Variants in NCAM2 observed in about 807,000 individuals in gnomAD.
The protein encoded by NCAM2 is N-CAM-2.
A neutral mutation model predicts 98.1 loss-of-function variants in NCAM2; 30 were observed. That is an observed-to-expected ratio of 0.31 (90% CI 0.23 to 0.41). The LOEUF (loss-of-function observed/expected upper bound fraction) is 0.41, where lower values mean the gene tolerates loss of function less well. Ranked by LOEUF, NCAM2 falls within the 10% of genes least tolerant of loss-of-function variation. The probability of loss-of-function intolerance (pLI) is 1.00; values close to 1 mark genes in which losing one functional copy is unlikely to be tolerated. For synonymous variants in NCAM2, 368 were observed against 342.4 expected (o/e 1.07, Z -0.83); for missense variants, 867 against 1,005.8 (o/e 0.86, Z 1.87).
intron 8 of NCAM2, among the ~76,000 whole-genome samples, chr21:21,364,772 T>A (rs2075744483): frequency 6.6e-6 from 1 of 152,088 alleles, no homozygotes; most frequent in African/African-American, 2.4e-5. Context: ...ATAAGAAATC[T>A]CATATTGGTG....
chr21:21,312,326 A>G (rs2074080929), intron 5 of NCAM2, among the ~76,000 whole-genome samples: 1 of 151,374 alleles, frequency 6.6e-6, no homozygotes, highest in Non-Finnish European at 1.5e-5. Context: ...TATGCTTAAT[A>G]TAGTTAATAT....
At chr21:21,369,125 C>T (rs900762032) in intron 8 of NCAM2, among the ~76,000 whole-genome samples, 1 of 176 alleles carries the variant, frequency 5.7e-3, no homozygotes, top group Non-Finnish European at 0.012. Context: ...CACCACCTCC[C>T]ATTCCCCTTG....
At chr21:21,334,526 C>G (rs955028169) in intron 6 of NCAM2, among the ~76,000 whole-genome samples, 1 of 151,802 alleles carries the variant, frequency 6.6e-6, no homozygotes, top group Non-Finnish European at 1.5e-5. Flanking sequence ...TATGGACAAG[C>G]AAATGTCTCC....
intron 1 of NCAM2, among the ~76,000 whole-genome samples, chr21:21,048,406 A>G (rs759648017): frequency 1.4e-4 from 22 of 151,830 alleles, no homozygotes; most frequent in Non-Finnish European, 2.9e-4. Flanking sequence ...AGACTGGAGT[A>G]CAGTGGCGCA....
intron 1 of NCAM2, among the ~76,000 whole-genome samples, chr21:21,139,839 T>C (rs2067131000): frequency 6.6e-6 from 1 of 152,178 alleles, no homozygotes; most frequent in Non-Finnish European, 1.5e-5. Flanking sequence ...TTAAACTCAA[T>C]TCCTTAATTA....
chr21:21,447,784 T>A (rs1980411599), intron 12 of NCAM2, among the ~76,000 whole-genome samples: 1 of 152,002 alleles, frequency 6.6e-6, no homozygotes, highest in Non-Finnish European at 1.5e-5. Context: ...ACAACCAACT[T>A]ACGAATAAAA....
chr21:21,311,919 T>G (rs1418634787), intron 5 of NCAM2, among the ~76,000 whole-genome samples: 1 of 152,188 alleles, frequency 6.6e-6, no homozygotes, highest in Non-Finnish European at 1.5e-5. Context: ...TCCTTGAGTT[T>G]ATATTGTATA....
intron 5 of NCAM2, 48 bp from the exon 6 acceptor site, chr21:21,324,335 G>C (rs964707201): frequency 1.1e-5 from 15 of 1,356,572 alleles, no homozygotes; most frequent in Non-Finnish European, 7.2e-6. Flanking sequence ...AATGATGGTA[G>C]TGAAGGTGTT....
intron 1 of NCAM2, among the ~76,000 whole-genome samples, chr21:21,123,870 C>T (rs1311675092): frequency 9.2e-4 from 1 of 1,084 alleles, no homozygotes; most frequent in African/African-American, 1.6e-3. Context: ...TTTTTTGAGA[C>T]GGAGTCTCAC....
intron 1 of NCAM2, among the ~76,000 whole-genome samples, chr21:21,049,734 G>A (rs2065069065): frequency 6.6e-6 from 1 of 151,998 alleles, no homozygotes; most frequent in African/African-American, 2.4e-5. Flanking sequence ...AGCCAGTCAT[G>A]GTGATGCATG....
At chr21:21,210,206 G>C (rs2069596002) in intron 1 of NCAM2, among the ~76,000 whole-genome samples, 1 of 152,078 alleles carries the variant, frequency 6.6e-6, no homozygotes, top group African/African-American at 2.4e-5. Flanking sequence ...GGGTTAATTT[G>C]GCAAGACTGT....
At chr21:21,236,554 C>T (rs2070832883) in intron 1 of NCAM2, among the ~76,000 whole-genome samples, 1 of 151,880 alleles carries the variant, frequency 6.6e-6, no homozygotes, top group Non-Finnish European at 1.5e-5. Flanking sequence ...AAAAGAGTAG[C>T]TTCTTTTAAA....
intron 1 of NCAM2, among the ~76,000 whole-genome samples, chr21:21,190,832 G>A (rs2068797187): frequency 6.6e-6 from 1 of 152,036 alleles, no homozygotes; most frequent in African/African-American, 2.4e-5. Flanking sequence ...GCTCTTTTGA[G>A]GAATAAATGA....
At chr21:21,452,071 T>G (rs1367981798) in intron 12 of NCAM2, among the ~76,000 whole-genome samples, 1 of 151,860 alleles carries the variant, frequency 6.6e-6, no homozygotes, top group Non-Finnish European at 1.5e-5. Context: ...ACTTCCTTTC[T>G]TTCGTTTTAG....
At chr21:21,479,508 C>T (rs1414829756) in intron 15 of NCAM2, among the ~76,000 whole-genome samples, 2 of 141,538 alleles carry the variant, frequency 1.4e-5, no homozygotes, top group Non-Finnish European at 3.0e-5. Context: ...GGAGTGGACC[C>T]GGGAGGCGGA....
intron 7 of NCAM2, 126 bp from the exon 8 acceptor site, chr21:21,338,263 C>A: frequency 1.1e-6 from 1 of 893,976 alleles, no homozygotes; most frequent in Non-Finnish European, 1.6e-6. Flanking sequence ...AAGCAGGCCA[C>A]TGTAATTCTA....
intron 8 of NCAM2, 38 bp downstream of exon 8, chr21:21,338,572 T>G (rs761440809): frequency 6.6e-7 from 1 of 1,503,958 alleles, no homozygotes; most frequent in South Asian, 1.3e-5. Context: ...TCCATTACCA[T>G]GCAATTTCAG....
chr21:21,121,908 G>A (rs1250804267), intron 1 of NCAM2, among the ~76,000 whole-genome samples: 2 of 152,212 alleles, frequency 1.3e-5, no homozygotes, highest in Non-Finnish European at 2.9e-5. Context: ...ATGAGACAGG[G>A]TAAAGTGAAA....
intron 5 of NCAM2, among the ~76,000 whole-genome samples, chr21:21,302,434 A>AT (rs934675804): frequency 1.3e-5 from 2 of 151,862 alleles, no homozygotes; most frequent in Non-Finnish European, 2.9e-5. Context: ...TAAGTGTATG[A>AT]TTTTTCTATT....
Sources: gnomAD v4.1 joint callset for allele counts (sites outside exome capture counted in the v4.1 genomes callset) on GRCh38, gnomAD v4.1.1 for gene constraint, MANE v1.5 for transcripts, NCBI Gene and HGNC (gene_info 2026-07-23, HGNC 2026-07-21) for gene names.